FRA10AC1: variants seen among roughly 807,000 people sequenced by gnomAD.
FRA10AC1 encodes the protein FRA10A associated CGG repeat 1, also known as protein FRA10AC1.
Under a neutral mutation model 56.5 loss-of-function variants are expected in FRA10AC1, and 43 were observed. The ratio of observed to expected loss-of-function variants is 0.76; its 90% CI spans 0.60 to 0.98. The LOEUF (loss-of-function observed/expected upper bound fraction) is 0.98. FRA10AC1 is among the 50% of genes least tolerant of loss of function. The probability of loss-of-function intolerance (pLI) is 0.00; values close to 1 mark genes in which losing one functional copy is unlikely to be tolerated. For synonymous variants in FRA10AC1, 112 were observed against 110.5 expected (o/e 1.01, Z -0.09); for missense variants, 346 against 351.8 (o/e 0.98, Z 0.13).
In FRA10AC1 at chr10:93,670,808, A is replaced by C; in HGVS notation, c.867T>G (p.Leu289=). The change falls in exon 13 of 14, where the codon CTT becomes CTG. Residue 289 remains leucine (L), a synonymous_variant. Transcript: ENST00000359204. The part of the protein sequence containing the change: ...DEEESASESE[L]WKGPLPETDE... ...CTGTCTCTGGTAGTGGACCCTTCCA[A>C]AGTTCAGATTCTGAAGCACTTTCTT... The C allele has an allele frequency of 6.2e-7, 1 of 1,612,292 alleles. No homozygotes were observed. Among genetic ancestry groups the C allele is most frequent in the South Asian group, 1.1e-5 (1 of 91,016 alleles).
At chr10:93,687,527 A>C (rs576634709) in intron 7 of FRA10AC1, 78 bp from the exon 8 acceptor site, 39 of 1,267,648 alleles carry the variant, frequency 3.1e-5, no homozygotes, top group Non-Finnish European at 4.1e-5. Flanking sequence ...CAACAATGAC[A>C]TTCACCAACC....
chr10:93,700,207 T>C, intron 1 of FRA10AC1, 101 bp from the exon 2 acceptor site: 1 of 701,688 alleles, frequency 1.4e-6, no homozygotes, highest in East Asian at 2.6e-5. Context: ...ACAATAGTTT[T>C]AAAGGATCAT....
rs5787072 is a variant in FRA10AC1 at position 93,685,542 on chromosome 10, C to CA, written c.512-184dup. ...AAGTATCAAATCAAAGTACTGTTAC[C>CA]AAAAAAAATCAGTCACAGAATTCTT... On this transcript the variant is annotated intron_variant, in intron 8 of 13. Coordinates refer to ENST00000359204, the MANE Select transcript of FRA10AC1 (RefSeq NM_145246.5). 1.5e-3 allele frequency: 559 copies of CA among 384,050 alleles called. 4 individuals are homozygous for CA. The highest frequency in any genetic ancestry group is 0.011 in the African/African-American group (519 of 46,238). The allele number at this position is 384,050 out of a possible 1,614,324, so 23.8% of individuals were successfully genotyped here.
intron 7 of FRA10AC1, among the ~76,000 whole-genome samples, chr10:93,688,601 G>A (rs2059071223): frequency 6.6e-6 from 1 of 152,110 alleles, no homozygotes; most frequent in African/African-American, 2.4e-5. Context: ...GCATGTATGA[G>A]AGCAGGGGGT....
Position 93,694,911 on chromosome 10 carries a change from AT to A in FRA10AC1, c.245del (p.Asn82MetfsTer44). On this transcript the variant is annotated frameshift_variant, in exon 5 of 14. Transcript: ENST00000359204. LOFTEE classifies it high-confidence loss of function. ...DAYQRHTKFV[N>X]DYILYYGGKK... ...TGCCACCATAGTATAAAATATAGTC[AT>A]TTACGAACTTTGTATGTCTTTGATA... 1 of 1,577,250 alleles carries A rather than the reference AT, an allele frequency of 6.3e-7. No homozygotes were observed. The highest frequency in any genetic ancestry group is 8.7e-7 in the Non-Finnish European group (1 of 1,146,676).
In FRA10AC1 at chr10:93,685,452, T is replaced by C. The variant is rs2059010429; in HGVS notation, c.512-93A>G. On this transcript the variant is annotated intron_variant, in intron 8 of 13. Coordinates refer to ENST00000359204, the MANE Select transcript of FRA10AC1 (RefSeq NM_145246.5). ...ACCCCTAAAATGTACTTCTAAAATA[T>C]GCAAATTAACCATAGTCAGCCTTTA... 3 of 640,750 alleles carry C rather than the reference T, an allele frequency of 4.7e-6. No individual in the cohort carries two copies. In the East Asian group the frequency reaches 8.5e-5, roughly 18 times the overall value. The allele number at this position is 640,750 out of a possible 1,614,324, so 39.7% of individuals were successfully genotyped here.
At chr10:93,679,586 C>T (rs1484170119) in intron 11 of FRA10AC1, among the ~76,000 whole-genome samples, 1 of 152,100 alleles carries the variant, frequency 6.6e-6, no homozygotes, top group East Asian at 1.9e-4. Flanking sequence ...AACTGAAAGG[C>T]TACATGGGGG....
At chr10:93,691,326 C>T (rs747210) in intron 7 of FRA10AC1, among the ~76,000 whole-genome samples, 46,499 of 151,902 alleles carry the variant, frequency 0.31, 8,689 homozygotes, top group South Asian at 0.44. Flanking sequence ...TAGGCATGCA[C>T]CACTGCACCT....
At chr10:93,679,804 A>AGCCT (rs2058902318) in intron 11 of FRA10AC1, among the ~76,000 whole-genome samples, 1 of 152,182 alleles carries the variant, frequency 6.6e-6, no homozygotes, top group Admixed American at 6.5e-5. Flanking sequence ...ATATAACAGT[A>AGCCT]GCCTATAAGA....
chr10:93,671,914 C>G, intron 12 of FRA10AC1: 1 of 370,410 alleles, frequency 2.7e-6, no homozygotes, highest in South Asian at 2.1e-5. Flanking sequence ...CCTTCAAAAT[C>G]AGTAAAAACA....
chr10:93,694,322 G>A (rs1414362171), intron 5 of FRA10AC1, among the ~76,000 whole-genome samples: 1 of 152,104 alleles, frequency 6.6e-6, no homozygotes, highest in African/African-American at 2.4e-5. Flanking sequence ...GTTGTGCCCG[G>A]CTCAGCAGGT....
At position 93,676,006 on chromosome 10, in the gene FRA10AC1, T is replaced by C. The variant is rs1302612444; in HGVS notation, c.826+647A>G. On this transcript the variant is annotated intron_variant, in intron 12 of 13. Coordinates refer to ENST00000359204, the MANE Select transcript of FRA10AC1 (RefSeq NM_145246.5). ...GGAGTTCTCATTATTATCTTATGGG[T>C]ACAATTAATCTTTCTATTGCTGGTT... Among the ~76,000 whole-genome samples the C allele has an allele frequency of 2.0e-5, 3 of 152,312 alleles. No homozygotes were observed. In the South Asian group the frequency reaches 6.2e-4, roughly 32 times the overall value.
At chr10:93,693,945 G>A (rs2059185398) in intron 5 of FRA10AC1, among the ~76,000 whole-genome samples, 1 of 151,888 alleles carries the variant, frequency 6.6e-6, no homozygotes, top group African/African-American at 2.4e-5. Flanking sequence ...CAGAAGGGAG[G>A]TGAGGGATAA....
chr10:93,685,383 G>T, intron 8 of FRA10AC1, 24 bp from the exon 9 acceptor site: 1 of 1,020,066 alleles, frequency 9.8e-7, no homozygotes, highest in Non-Finnish European at 1.5e-6. Flanking sequence ...AGGAATATTA[G>T]CTATGGTAGT....
At chr10:93,685,063 G>A (rs913364250) in intron 9 of FRA10AC1, among the ~76,000 whole-genome samples, 183 bp downstream of exon 9, 2 of 152,080 alleles carry the variant, frequency 1.3e-5, no homozygotes, top group African/African-American at 4.8e-5. Flanking sequence ...AAACACCACT[G>A]TAATGCTAAA....
intron 5 of FRA10AC1, among the ~76,000 whole-genome samples, chr10:93,694,568 G>T (rs939657285): frequency 3.3e-5 from 5 of 151,936 alleles, no homozygotes; most frequent in African/African-American, 1.2e-4. Context: ...ACAAAAATTA[G>T]CCAGGCATGG....
At chr10:93,689,893 A>G (rs1339834231) in intron 7 of FRA10AC1, among the ~76,000 whole-genome samples, 2 of 152,200 alleles carry the variant, frequency 1.3e-5, no homozygotes, top group South Asian at 2.1e-4. Flanking sequence ...ACTTTTATGT[A>G]TAAGAAAAAT....
intron 12 of FRA10AC1, chr10:93,671,892 G>T: frequency 2.8e-6 from 1 of 359,478 alleles, no homozygotes; most frequent in Non-Finnish European, 5.3e-6. Context: ...TTTAAACAAT[G>T]AGCATGAATT....
intron 10 of FRA10AC1, among the ~76,000 whole-genome samples, chr10:93,683,572 A>G (rs1028212924): frequency 6.6e-6 from 1 of 152,104 alleles, no homozygotes; most frequent in African/African-American, 2.4e-5. Flanking sequence ...GCTGGTCTCG[A>G]ACTTCTGACC....
Sources: gnomAD v4.1 joint callset for allele counts (sites outside exome capture counted in the v4.1 genomes callset) on GRCh38, gnomAD v4.1.1 for gene constraint, MANE v1.5 for transcripts, NCBI Gene and HGNC (gene_info 2026-07-23, HGNC 2026-07-21) for gene names.